ADGRB3: variants seen among roughly 807,000 people sequenced by gnomAD.
ADGRB3 encodes the protein adhesion G protein-coupled receptor B3, also known as brain-specific angiogenesis inhibitor 3.
Under a neutral mutation model 193.4 loss-of-function variants are expected in ADGRB3, and 37 were observed. The observed-to-expected ratio is 0.19, with a 90% CI of 0.15 to 0.25. The LOEUF (loss-of-function observed/expected upper bound fraction) is 0.25, where lower values mean the gene tolerates loss of function less well. ADGRB3 is among the 10% of genes least tolerant of loss of function. The pLI is 1.00. For synonymous variants in ADGRB3, 690 were observed against 644.2 expected (o/e 1.07, Z -1.08); for missense variants, 1,637 against 1,852.9 (o/e 0.88, Z 2.14).
chr6:68,938,045 A>G (rs755861744), intron 5 of ADGRB3, among the ~76,000 whole-genome samples: 7 of 152,092 alleles, frequency 4.6e-5, no homozygotes, highest in Non-Finnish European at 1.0e-4. Flanking sequence ...TGGGAGGTTA[A>G]CAAAGCAGTA....
chr6:69,122,677 A>G (rs1388397781), intron 17 of ADGRB3, among the ~76,000 whole-genome samples: 1 of 152,070 alleles, frequency 6.6e-6, no homozygotes, highest in Non-Finnish European at 1.5e-5. Context: ...AAAACTGATT[A>G]TTCTTTCATT....
At chr6:68,827,732 G>A (rs1767872168) in intron 3 of ADGRB3, among the ~76,000 whole-genome samples, 1 of 152,128 alleles carries the variant, frequency 6.6e-6, no homozygotes, top group South Asian at 2.1e-4. Context: ...AAGATGGTCA[G>A]AAGTGGCTAT....
chr6:68,733,693 T>C (rs1045963013), intron 3 of ADGRB3, among the ~76,000 whole-genome samples: 1 of 150,802 alleles, frequency 6.6e-6, no homozygotes, highest in Non-Finnish European at 1.5e-5. Flanking sequence ...GGATGGTTAG[T>C]GGGTACAAAA....
intron 6 of ADGRB3, among the ~76,000 whole-genome samples, chr6:68,953,663 G>A (rs1044176425): frequency 6.6e-6 from 1 of 152,160 alleles, no homozygotes; most frequent in Non-Finnish European, 1.5e-5. Flanking sequence ...TTGTAATAAA[G>A]TGAGATGCTA....
chr6:69,009,739 A>G (rs921589522), intron 11 of ADGRB3, among the ~76,000 whole-genome samples: 1 of 152,044 alleles, frequency 6.6e-6, no homozygotes, highest in Admixed American at 6.6e-5. Flanking sequence ...AAACCTTCAG[A>G]TCTACCTTAC....
chr6:69,122,486 GGAGGGGGAGGGGGA>G (rs1773738232), intron 17 of ADGRB3, among the ~76,000 whole-genome samples: 15 of 43,052 alleles, frequency 3.5e-4, no homozygotes, highest in Admixed American at 5.3e-4. Context: ...GGGGGAGGGG[GGAGGGGGAGGGGGA>G]GAGGGAGAGG....
intron 17 of ADGRB3, among the ~76,000 whole-genome samples, chr6:69,192,613 T>C (rs1765216323): frequency 6.6e-6 from 1 of 152,208 alleles, no homozygotes; most frequent in South Asian, 2.1e-4. Flanking sequence ...AAAATGGTTC[T>C]AAACTTTGAG....
intron 3 of ADGRB3, among the ~76,000 whole-genome samples, chr6:68,895,573 G>C (rs1340788125): frequency 1.3e-5 from 2 of 151,956 alleles, no homozygotes; most frequent in African/African-American, 2.4e-5. Flanking sequence ...CTTGAAACAT[G>C]AGTATATAAA....
chr6:69,139,777 T>G (rs1054515362), intron 17 of ADGRB3, among the ~76,000 whole-genome samples: 5 of 152,206 alleles, frequency 3.3e-5, no homozygotes, highest in Non-Finnish European at 5.9e-5. Flanking sequence ...GGAACACAGA[T>G]CTGTCTGTTG....
chr6:68,890,481 T>C (rs528678250), intron 3 of ADGRB3, among the ~76,000 whole-genome samples: 1 of 152,328 alleles, frequency 6.6e-6, no homozygotes, highest in South Asian at 2.1e-4. Flanking sequence ...TATTTTGATA[T>C]CCAGATAAAT....
intron 26 of ADGRB3, among the ~76,000 whole-genome samples, chr6:69,342,425 G>A (rs1043825657): frequency 6.6e-6 from 1 of 152,056 alleles, no homozygotes; most frequent in Non-Finnish European, 1.5e-5. Flanking sequence ...TATAGGGCAA[G>A]TCTGCTTCAG....
At chr6:69,318,211 G>A (rs12333143) in intron 20 of ADGRB3, among the ~76,000 whole-genome samples, 1,608 of 151,270 alleles carry the variant, frequency 0.011, 22 homozygotes, top group African/African-American at 0.037. Context: ...TTCAGTACAA[G>A]ATTTCAAAAG....
intron 17 of ADGRB3, among the ~76,000 whole-genome samples, chr6:69,122,049 C>CAGGGCAGCCGGGCAGA (rs1369403425): frequency 1.0e-3 from 142 of 141,650 alleles, no homozygotes; most frequent in East Asian, 1.5e-3. Context: ...ACTTCCCAGA[C>CAGGGCAGCCGGGCAGA]GGGGTGGTGG....
chr6:68,924,831 C>T (rs1355157641), intron 3 of ADGRB3, among the ~76,000 whole-genome samples: 2 of 151,842 alleles, frequency 1.3e-5, no homozygotes, highest in African/African-American at 4.8e-5. Context: ...ATCAGTTAAT[C>T]TCTTAAATGT....
intron 3 of ADGRB3, among the ~76,000 whole-genome samples, chr6:68,902,738 T>A (rs1277707081): frequency 1.3e-5 from 2 of 152,080 alleles, no homozygotes; most frequent in Non-Finnish European, 2.9e-5. Context: ...ATTTGTATGA[T>A]AAACTGAAAA....
intron 26 of ADGRB3, among the ~76,000 whole-genome samples, chr6:69,344,783 G>T (rs906429706): frequency 6.6e-6 from 1 of 152,072 alleles, no homozygotes; most frequent in African/African-American, 2.4e-5. Context: ...GATGATAAAA[G>T]ACTTCAAAAC....
chr6:68,984,900 ATT>A (rs61481283), intron 10 of ADGRB3, among the ~76,000 whole-genome samples: 2 of 151,178 alleles, frequency 1.3e-5, no homozygotes, highest in South Asian at 2.1e-4. Flanking sequence ...CATCTGATGG[ATT>A]TTTTTTTTCT....
chr6:68,938,487 A>C (rs1331588819), intron 5 of ADGRB3, among the ~76,000 whole-genome samples: 2 of 148,806 alleles, frequency 1.3e-5, no homozygotes, highest in African/African-American at 5.0e-5. Context: ...GAAATGGTTA[A>C]ATCTAACTAA....
rs528330602 is a variant in ADGRB3 at position 68,747,384 on chromosome 6, C to T, written c.757+107952C>T. ...CACTCAATACCAAACAGTTATATAGCATTCATATTTGTGGCAGAGTTTGTG... is the reference window on the plus strand; with the variant it reads ...CACTCAATACCAAACAGTTATATAGTATTCATATTTGTGGCAGAGTTTGTG... On this transcript the variant is annotated intron_variant, in intron 3 of 31. Coordinates refer to ENST00000370598, the MANE Select transcript of ADGRB3 (RefSeq NM_001704.3). Among the ~76,000 whole-genome samples the T allele has an allele frequency of 1.2e-4, 18 of 152,266 alleles. No individual in the cohort carries two copies. In the South Asian group the frequency reaches 2.3e-3, roughly 19 times the overall value.
Sources: allele counts gnomAD v4.1 joint callset (sites outside exome capture counted in the v4.1 genomes callset), GRCh38; gene constraint gnomAD v4.1.1; transcripts MANE v1.5; gene names NCBI Gene and HGNC (gene_info 2026-07-23, HGNC 2026-07-21).